Variants in NDST4 observed in about 807,000 individuals in gnomAD.
NDST4 encodes the protein N-heparan sulfate sulfotransferase 4.
NDST4 carries 63 observed loss-of-function variants against 100.8 expected under a neutral mutation model. The ratio of observed to expected loss-of-function variants is 0.62; its 90% CI spans 0.51 to 0.77. The LOEUF (loss-of-function observed/expected upper bound fraction) is 0.77, where lower values mean the gene tolerates loss of function less well. Ranked by LOEUF, NDST4 falls within the 30% of genes least tolerant of loss-of-function variation. The probability of loss-of-function intolerance (pLI) is 0.00; values close to 1 mark genes in which losing one functional copy is unlikely to be tolerated. For missense variants in NDST4, 943 were observed against 1,018.4 expected, an observed-to-expected ratio of 0.93 and a Z score of 1.01; for synonymous variants, 377 against 361.8, an observed-to-expected ratio of 1.04 and a Z score of -0.48.
At chr4:114,986,131 G>C (rs1361348312) in intron 2 of NDST4, among the ~76,000 whole-genome samples, 1 of 152,022 alleles carries the variant, frequency 6.6e-6, no homozygotes, top group Non-Finnish European at 1.5e-5. Context: ...GCAAAGAGAA[G>C]AAAAAAATTA....
intron 4 of NDST4, 109 bp downstream of exon 4, chr4:114,970,321 T>C (rs1726482267): frequency 2.1e-6 from 2 of 971,882 alleles, no homozygotes; most frequent in Non-Finnish European, 1.5e-6. Context: ...CACCCTGATA[T>C]TATATTTTAT....
At chr4:114,977,101 A>G in intron 3 of NDST4, 86 bp downstream of exon 3, 1 of 802,182 alleles carries the variant, frequency 1.2e-6, no homozygotes, top group South Asian at 2.1e-5. Flanking sequence ...ATCAATCTGG[A>G]GAATCTATCT....
At chr4:114,874,043 A>C (rs1388611685) in intron 6 of NDST4, among the ~76,000 whole-genome samples, 3 of 152,172 alleles carry the variant, frequency 2.0e-5, no homozygotes, top group African/African-American at 7.2e-5. Context: ...ATTCATCTCC[A>C]GAACTTTTCA....
intron 2 of NDST4, among the ~76,000 whole-genome samples, chr4:115,028,902 G>A (rs1334786037): frequency 2.6e-5 from 4 of 152,110 alleles, no homozygotes; most frequent in Non-Finnish European, 5.9e-5. Flanking sequence ...TTACAAAAGT[G>A]ATGGCAGGGA....
At chr4:115,053,265 T>C (rs1409523844) in intron 2 of NDST4, among the ~76,000 whole-genome samples, 1 of 152,126 alleles carries the variant, frequency 6.6e-6, no homozygotes, top group Non-Finnish European at 1.5e-5. Flanking sequence ...TGATGAACAT[T>C]TTAACACTAG....
chr4:114,950,574 A>C (rs971641086), intron 4 of NDST4, among the ~76,000 whole-genome samples: 1 of 152,066 alleles, frequency 6.6e-6, no homozygotes, highest in Admixed American at 6.6e-5. Context: ...CATACCAACC[A>C]CACACTAACA....
intron 2 of NDST4, among the ~76,000 whole-genome samples, chr4:115,019,489 T>C (rs920730321): frequency 3.9e-5 from 6 of 152,130 alleles, no homozygotes; most frequent in African/African-American, 1.2e-4. Flanking sequence ...ACCTGATCTC[T>C]AAAATGCCCG....
chr4:114,873,151 T>C (rs1724185155), intron 6 of NDST4, among the ~76,000 whole-genome samples: 1 of 151,854 alleles, frequency 6.6e-6, no homozygotes, highest in African/African-American at 2.4e-5. Context: ...AATTTATCTT[T>C]GAAGACAATA....
At chr4:115,065,721 C>T (rs1462015363) in intron 2 of NDST4, among the ~76,000 whole-genome samples, 1 of 152,114 alleles carries the variant, frequency 6.6e-6, no homozygotes, top group Non-Finnish European at 1.5e-5. Context: ...GCTTAAAAAT[C>T]CTGAGTGACT....
At chr4:115,056,408 G>C (rs1273442988) in intron 2 of NDST4, among the ~76,000 whole-genome samples, 1 of 152,102 alleles carries the variant, frequency 6.6e-6, no homozygotes, top group Non-Finnish European at 1.5e-5. Context: ...AAAATTACTT[G>C]TAATCATGTA....
rs1578526898 is a variant in NDST4 at position 115,108,520 on chromosome 4, G to T, written c.-247+4924C>A. On this transcript the variant is annotated intron_variant, in intron 1 of 13. Transcript: ENST00000264363. ...TCCTTAAACTACTAGATATAAAAATGATTTAGAGGATTTAAAATTTCTAAG... is the reference window on the plus strand; with the variant it reads ...TCCTTAAACTACTAGATATAAAAATTATTTAGAGGATTTAAAATTTCTAAG... 2.6e-5 allele frequency among the ~76,000 whole-genome samples: 4 copies of T among 151,744 alleles called. No individual in the cohort carries two copies. The South Asian group carries it at 8.3e-4, about 32-fold the overall frequency.
chr4:115,084,880 C>G (rs934219442), intron 1 of NDST4, among the ~76,000 whole-genome samples: 1 of 152,066 alleles, frequency 6.6e-6, no homozygotes, highest in Non-Finnish European at 1.5e-5. Flanking sequence ...TGTAGCCACC[C>G]CCCCCACAGT....
At chr4:115,040,409 T>G (rs1185848488) in intron 2 of NDST4, among the ~76,000 whole-genome samples, 2 of 150,782 alleles carry the variant, frequency 1.3e-5, no homozygotes, top group African/African-American at 4.9e-5. Flanking sequence ...ACATTGAAAT[T>G]ATTATTCTAA....
intron 6 of NDST4, among the ~76,000 whole-genome samples, chr4:114,906,299 G>A (rs545651162): frequency 1.1e-3 from 160 of 151,954 alleles, no homozygotes; most frequent in Non-Finnish European, 2.0e-3. Context: ...TCATATATCT[G>A]GAGTTGGATG....
chr4:115,076,709 T>C lies in NDST4; in HGVS notation c.328A>G (p.Ile110Val). The change falls in exon 2 of 14, where the codon ATT becomes GTT. Residue 110 changes from isoleucine to valine, a missense_variant. Ile to Val is a conservative substitution (Grantham distance 29). Around this residue, in one of 2 missense-constraint regions of NDST4, gnomAD observed 417 missense variants for 384.2 expected, o/e 1.09. Coordinates refer to ENST00000264363, the MANE Select transcript of NDST4 (RefSeq NM_022569.3). ...GGTATATCTCCCTTTCCAGGGGCAA[T>C]AACCATGTGGTACTGAAATCGGCTG... Reference protein sequence around the residue: ...ESSRFQYHMVIAPGKGDIPPL... With the variant: ...ESSRFQYHMVVAPGKGDIPPL... The C allele has an allele frequency of 6.2e-7, 1 of 1,613,930 alleles. No individual in the cohort carries two copies. The highest frequency in any genetic ancestry group is 8.5e-7 in the Non-Finnish European group (1 of 1,179,924).
intron 6 of NDST4, among the ~76,000 whole-genome samples, chr4:114,899,428 C>T (rs1255310332): frequency 6.6e-6 from 1 of 152,128 alleles, no homozygotes; most frequent in Non-Finnish European, 1.5e-5. Flanking sequence ...CCACCCACCT[C>T]GGCCTCCCAA....
At chr4:114,937,580 T>C (rs1725657720) in intron 4 of NDST4, 77 bp from the exon 5 acceptor site, 1 of 1,195,560 alleles carries the variant, frequency 8.4e-7, no homozygotes, top group African/African-American at 1.5e-5. Context: ...CCAACATCTA[T>C]TTAGAATACA....
At chr4:115,060,167 G>T (rs1728787531) in intron 2 of NDST4, among the ~76,000 whole-genome samples, 1 of 151,918 alleles carries the variant, frequency 6.6e-6, no homozygotes, top group Non-Finnish European at 1.5e-5. Flanking sequence ...GTGCTATATG[G>T]ATGCCAATCA....
At chr4:115,107,944 C>A (rs1194379919) in intron 1 of NDST4, among the ~76,000 whole-genome samples, 1 of 151,936 alleles carries the variant, frequency 6.6e-6, no homozygotes, top group East Asian at 1.9e-4. Context: ...AGAAAATGTC[C>A]TGTTTCAAGG....
Sources: gnomAD v4.1 joint callset for allele counts (sites outside exome capture counted in the v4.1 genomes callset) on GRCh38, gnomAD v4.1.1 for gene constraint, gnomAD v4.1.1 regional missense constraint, MANE v1.5 for transcripts, NCBI Gene and HGNC (gene_info 2026-07-23, HGNC 2026-07-21) for gene names.